INTS1: variants seen among roughly 807,000 people sequenced by gnomAD.
INTS1 encodes the protein integrator complex subunit 1.
In INTS1, 137 loss-of-function variants were observed where a neutral mutation model predicts 241.6. The ratio of observed to expected loss-of-function variants is 0.57; its 90% CI spans 0.49 to 0.65. INTS1 has a LOEUF of 0.65. Among genes scored for constraint, INTS1 ranks in the 30% least tolerant of loss-of-function variants. The pLI, the probability that INTS1 is intolerant of heterozygous loss-of-function variation, is 0.00. For missense variants in INTS1, 3,073 were observed against 3,032.2 expected, an observed-to-expected ratio of 1.01 and a Z score of -0.32; for synonymous variants, 1,692 against 1,337.8, an observed-to-expected ratio of 1.26 and a Z score of -5.78.
At chr7:1,495,346 G>C in intron 13 of INTS1, 87 bp downstream of exon 13, 1 of 1,481,896 alleles carries the variant, frequency 6.7e-7, no homozygotes, top group South Asian at 1.3e-5. Flanking sequence ...TGGCTCAGTG[G>C]GGTTTGGGGC....
intron 35 of INTS1, 61 bp downstream of exon 35, chr7:1,477,489 C>A: frequency 2.1e-6 from 3 of 1,450,202 alleles, no homozygotes; most frequent in South Asian, 1.5e-5. Context: ...TGCTGCACTT[C>A]AGGTCAGGAA....
Position 1,470,946 on chromosome 7 carries a change from G to A in INTS1, c.6357C>T (p.Ala2119=), listed in dbSNP as rs187219281. Reference sequence around the variant, plus strand: ...AGTACATGAACGTGGGCAGGAAAGCGGCTGCAATGCTGAAAGACCCACACA... The same window carrying A: ...AGTACATGAACGTGGGCAGGAAAGCAGCTGCAATGCTGAAAGACCCACACA... ...RSMQNSPSIA[A]AFLPTFMYCL... Residue 2119 remains alanine, a synonymous_variant, in exon 47 of 48, where the codon GCC becomes GCT. Transcript: ENST00000404767. 86 of 1,565,314 alleles carry A rather than the reference G, an allele frequency of 5.5e-5. No individual in the cohort carries two copies. The African/African-American group carries it at 8.0e-4, about 15-fold the overall frequency.
At chr7:1,484,912 T>C (rs1025345217) in intron 24 of INTS1, among the ~76,000 whole-genome samples, 186 bp downstream of exon 24, 1 of 151,718 alleles carries the variant, frequency 6.6e-6, no homozygotes, top group Admixed American at 6.6e-5. Flanking sequence ...CACTGGCCCC[T>C]TACCCTCCCC....
At position 1,470,383 on chromosome 7, in the gene INTS1, G is replaced by A. The variant is rs754521336; in HGVS notation, c.*194C>T. 8.4e-5 allele frequency: 43 copies of A among 514,336 alleles called. No homozygotes were observed. Among genetic ancestry groups the A allele is most frequent in the Non-Finnish European group, 1.2e-4 (35 of 293,354 alleles). 31.9% of individuals were successfully genotyped at this position (514,336 alleles called of 1,614,324 possible). A position where few individuals can be genotyped will look rare whatever the true frequency, so the allele number is the denominator to read the frequency against. The stretch of plus-strand genomic sequence containing the variant: ...GAAGGTGAATGAGGGCTTGCTGGAC[G>A]GCCCCTGATGCCAGCGGCCGGCCCG... On this transcript the variant is annotated 3_prime_UTR_variant, in exon 48 of 48. Transcript: ENST00000404767.
At chr7:1,482,464 C>T in intron 27 of INTS1, 82 bp downstream of exon 27, 2 of 1,408,860 alleles carry the variant, frequency 1.4e-6, no homozygotes, top group East Asian at 2.3e-5. Flanking sequence ...CAGCCGGAGG[C>T]TGCCCAGGCC....
At position 1,481,409 on chromosome 7, in the gene INTS1, G is replaced by C; in HGVS notation, c.3783C>G (p.Leu1261=). The C allele has an allele frequency of 6.2e-7, 1 of 1,612,870 alleles. No homozygotes were observed. The highest frequency in any genetic ancestry group is 8.5e-7 in the Non-Finnish European group (1 of 1,179,706). Residue 1261 remains leucine (L), a synonymous_variant, in exon 28 of 48, where the codon CTC becomes CTG. Coordinates refer to ENST00000404767, the MANE Select transcript of INTS1 (RefSeq NM_001080453.3). This position sits in a 1 kb window ranked among gnomAD's most constrained non-coding sequence, Gnocchi z 6.8. ...FGIPVSSMSK[L]LQFLDQAVAH... ...CCACTGCCTGGTCCAGGAACTGGAG[G>C]AGTTTGCTCATGCTGGACACGGGGA...
At chr7:1,480,280 GC>G in intron 30 of INTS1, 36 bp downstream of exon 30, 1 of 1,573,750 alleles carries the variant, frequency 6.4e-7, no homozygotes, top group East Asian at 2.3e-5. Flanking sequence ...AGGAAGAGGG[GC>G]TGCAGGTGGA....
chr7:1,487,911 T>A lies in INTS1; in HGVS notation c.2365A>T (p.Thr789Ser). The stretch of plus-strand genomic sequence containing the variant: ...TGCAGCTCACGGTTCAGCATCTCCG[T>A]CCGGGTCTCCTCATCCGTCAGGGTG... ...PCTLTDEETR[T>S]EMLNRELQTA... Residue 789 changes from threonine (T) to serine (S), a missense_variant, in exon 19 of 48, where the codon ACG (threonine) becomes TCG (serine). Coordinates refer to ENST00000404767, the MANE Select transcript of INTS1 (RefSeq NM_001080453.3). 6.2e-7 allele frequency: 1 copy of A among 1,613,424 alleles called. No homozygotes were observed. Among genetic ancestry groups the A allele is most frequent in the Non-Finnish European group, 8.5e-7 (1 of 1,179,822 alleles).
rs992949895 is a variant in INTS1 at position 1,493,591 on chromosome 7, C to G, written c.2068+163G>C. Among the ~76,000 whole-genome samples the G allele has an allele frequency of 1.3e-5, 2 of 151,868 alleles. No individual in the cohort carries two copies. The highest frequency in any genetic ancestry group is 6.5e-5 in the Admixed American group (1 of 15,268). On this transcript the variant is annotated intron_variant, in intron 15 of 47. Transcript: ENST00000404767. The surrounding 1 kb of genome is among the most constrained non-coding windows in gnomAD (Gnocchi z 5.3). Reference sequence around the variant, plus strand: ...TACACGCACGCTTCTGAATTCCCAACGGCAGATGTGGAGAAGGCAGGTCCC... The same window carrying G: ...TACACGCACGCTTCTGAATTCCCAAGGGCAGATGTGGAGAAGGCAGGTCCC...
chr7:1,477,179 G>A (rs1781764264), intron 35 of INTS1, among the ~76,000 whole-genome samples: 1 of 152,220 alleles, frequency 6.6e-6, no homozygotes, highest in Non-Finnish European at 1.5e-5. Flanking sequence ...GTCCCTCCCT[G>A]GAGGATGTGG....
Position 1,474,167 on chromosome 7 carries a change from C to T in INTS1, c.5829+1G>A. ...CGAGGGCGGGCGGCGGGAGCACACACCAGCAGCAGGCGGATGAAGGACAGA... is the reference window on the plus strand; with the variant it reads ...CGAGGGCGGGCGGCGGGAGCACACATCAGCAGCAGGCGGATGAAGGACAGA... On this transcript the variant is annotated splice_donor_variant, in intron 41 of 47. Coordinates refer to ENST00000404767, the MANE Select transcript of INTS1 (RefSeq NM_001080453.3). LOFTEE classifies it high-confidence loss of function. 6.4e-7 allele frequency: 1 copy of T among 1,564,694 alleles called. No individual in the cohort carries two copies. The highest frequency in any genetic ancestry group is 8.6e-7 in the Non-Finnish European group (1 of 1,157,952).
In INTS1 at chr7:1,481,717, GCA is replaced by G. The variant is rs1219505815; in HGVS notation, c.3704-231_3704-230del. Among the ~76,000 whole-genome samples, 1 of 141,126 alleles carries G rather than the reference GCA, an allele frequency of 7.1e-6. No homozygotes were observed. Among genetic ancestry groups the G allele is most frequent in the Non-Finnish European group, 1.5e-5 (1 of 64,824 alleles). 92.6% of individuals were successfully genotyped at this position (141,126 alleles called of 152,430 possible). On this transcript the variant is annotated intron_variant, in intron 27 of 47. Transcript: ENST00000404767. This position sits in a 1 kb window ranked among gnomAD's most constrained non-coding sequence, Gnocchi z 6.8. ...GACCCCACCCAAGACCTGGGGCAGT[GCA>G]CACTCGGCAGCCCCACCCGAGACCT...
In INTS1 at chr7:1,496,211, G is replaced by A; in HGVS notation, c.1656C>T (p.Gly552=). The A allele has an allele frequency of 6.2e-7, 1 of 1,613,880 alleles. No homozygotes were observed. The highest frequency in any genetic ancestry group is 8.5e-7 in the Non-Finnish European group (1 of 1,179,834). Residue 552 remains glycine (G), a synonymous_variant, in exon 12 of 48, where the codon GGC becomes GGT. Coordinates refer to ENST00000404767, the MANE Select transcript of INTS1 (RefSeq NM_001080453.3). ...TDVLAVSMML[G]ITAQVKEAGI... ...CGGCCTCCTTCACCTGCGCTGTGAT[G>A]CCCAGCATCATGGACACGGCCAGGA... is the stretch of plus-strand genomic sequence containing the variant.
intron 29 of INTS1, 140 bp downstream of exon 29, chr7:1,480,695 C>T: frequency 2.6e-6 from 2 of 763,018 alleles, no homozygotes; most frequent in Non-Finnish European, 4.2e-6. Context: ...CTGTGGGGGC[C>T]CCTCTCAGGT....
chr7:1,502,961 C>T lies in INTS1; in HGVS notation c.289G>A (p.Val97Met), dbSNP rs773864518. The T allele has an allele frequency of 1.9e-6, 3 of 1,613,778 alleles. No individual in the cohort carries two copies. The highest frequency in any genetic ancestry group is 1.7e-6 in the Non-Finnish European group (2 of 1,179,886). The change falls in exon 3 of 48, where the codon GTG (valine) becomes ATG (methionine). Residue 97 changes from valine to methionine, a missense_variant. By Grantham distance (21) the Val-to-Met change is conservative (BLOSUM62 1). Coordinates refer to ENST00000404767, the MANE Select transcript of INTS1 (RefSeq NM_001080453.3). ...GGAGAAATGGCTCGTTTTTCTGCCACTGCAGCCTCAGCCAGGCGCCCCAGG... is the reference window on the plus strand; with the variant it reads ...GGAGAAATGGCTCGTTTTTCTGCCATTGCAGCCTCAGCCAGGCGCCCCAGG... ...SALGRLAEAA[V>M]AEKRAISPSI...
rs560179643 is a variant in INTS1 at position 1,470,317 on chromosome 7, G to GC, written c.*259dup. 769 of 467,724 alleles carry GC rather than the reference G, an allele frequency of 1.6e-3. 10 individuals are homozygous for GC. In the Admixed American group the frequency reaches 0.026, roughly 16 times the overall value. 29.0% of individuals were successfully genotyped at this position (467,724 alleles called of 1,614,324 possible). A position where few individuals can be genotyped will look rare whatever the true frequency, so the allele number is the denominator to read the frequency against. On this transcript the variant is annotated 3_prime_UTR_variant, in exon 48 of 48. Coordinates refer to ENST00000404767, the MANE Select transcript of INTS1 (RefSeq NM_001080453.3). ...TTCATTCAAAACCAGCCCAGGCCAT[G>GC]CCCGGGGGGATCCGCCGCTCCGCGG...
intron 27 of INTS1, 50 bp downstream of exon 27, chr7:1,482,496 C>A (rs752707326): frequency 2.6e-6 from 4 of 1,548,622 alleles, no homozygotes; most frequent in Non-Finnish European, 3.5e-6. Context: ...GGCAAGGGGC[C>A]CGGGACCCCT....
chr7:1,498,767 T>A lies in INTS1; in HGVS notation c.1223A>T (p.His408Leu). 1 of 1,583,698 alleles carries A rather than the reference T, an allele frequency of 6.3e-7. No homozygotes were observed. The highest frequency in any genetic ancestry group is 8.6e-7 in the Non-Finnish European group (1 of 1,165,288). ...HGSEDMDVIS[H>L]LIKIRLKPKV... The stretch of plus-strand genomic sequence containing the variant: ...GGGCTTGAGGCGGATCTTGATCAGG[T>A]GTGAGATGACGTCCATGTCTTCGGA... Residue 408 changes from histidine (H) to leucine (L), a missense_variant, in exon 9 of 48, where the codon CAC becomes CTC. His to Leu is a moderately conservative substitution (Grantham distance 99). Transcript: ENST00000404767.
intron 32 of INTS1, 103 bp from the exon 33 acceptor site, chr7:1,478,609 C>A (rs566012931): frequency 6.7e-7 from 1 of 1,497,538 alleles, no homozygotes; most frequent in Middle Eastern, 2.4e-4. Context: ...TGGGCCCACG[C>A]GGGTACCCAC....
Sources: gnomAD v4.1 joint callset for allele counts (sites outside exome capture counted in the v4.1 genomes callset) on GRCh38, gnomAD v4.1.1 for gene constraint, Gnocchi (gnomAD v3.1) non-coding constraint, MANE v1.5 for transcripts, NCBI Gene and HGNC (gene_info 2026-07-23, HGNC 2026-07-21) for gene names.